PFDN1: variants seen among roughly 807,000 people sequenced by gnomAD.
PFDN1 encodes prefoldin 1.
In PFDN1, 6 loss-of-function variants were observed where a neutral mutation model predicts 17.3. That is an observed-to-expected ratio of 0.35 (90% confidence interval 0.19 to 0.69). PFDN1 has a LOEUF of 0.69. PFDN1 is among the 30% of genes least tolerant of loss of function. The pLI is 0.65. For synonymous variants in PFDN1, 58 were observed against 50.1 expected, an observed-to-expected ratio of 1.16 and a Z score of -0.67; for missense variants, 113 against 146.2, an observed-to-expected ratio of 0.77 and a Z score of 1.17.
intron 3 of PFDN1, among the ~76,000 whole-genome samples, chr5:140,262,893 T>C (rs1261873817): frequency 6.6e-6 from 1 of 152,100 alleles, no homozygotes; most frequent in African/African-American, 2.4e-5. Context: ...TACATTATTT[T>C]CCAAATTAAA....
Position 140,250,666 on chromosome 5 carries a change from T to G in PFDN1, c.286-4609A>C, listed in dbSNP as rs146465372. ...ATTTAATGTTTGTTGAATAAAGTGC[T>G]TTAGTGTGGGAAATGACGCCTTACT... On this transcript the variant is annotated intron_variant, in intron 3 of 3. Transcript: ENST00000261813. 7.4e-3 allele frequency among the ~76,000 whole-genome samples: 1,134 copies of G among 152,310 alleles called. 10 individuals are homozygous for G. Among genetic ancestry groups the G allele is most frequent in the Non-Finnish European group, 0.013 (884 of 68,032 alleles).
intron 3 of PFDN1, among the ~76,000 whole-genome samples, chr5:140,253,078 T>C (rs1342058680): frequency 6.6e-6 from 1 of 152,182 alleles, no homozygotes; most frequent in Non-Finnish European, 1.5e-5. Flanking sequence ...AAAGCAATCT[T>C]AGGCATGGAG....
chr5:140,271,417 C>G (rs1765203100), intron 3 of PFDN1, among the ~76,000 whole-genome samples: 1 of 152,084 alleles, frequency 6.6e-6, no homozygotes, highest in Admixed American at 6.6e-5. Context: ...ATCACTTCAC[C>G]CAAGACTCTC....
intron 3 of PFDN1, 139 bp downstream of exon 3, chr5:140,281,310 C>A: frequency 1.7e-6 from 1 of 572,258 alleles, no homozygotes; most frequent in Admixed American, 3.1e-5. Context: ...ATGACAGCTT[C>A]ACGGCTCCAA....
chr5:140,259,165 G>C (rs979666832), intron 3 of PFDN1, among the ~76,000 whole-genome samples: 10 of 152,154 alleles, frequency 6.6e-5, no homozygotes, highest in African/African-American at 2.4e-4. Context: ...ATGGTTGGGG[G>C]CTAGAAAGGG....
At chr5:140,302,307 T>A (rs1765760135) in intron 1 of PFDN1, among the ~76,000 whole-genome samples, 1 of 152,218 alleles carries the variant, frequency 6.6e-6, no homozygotes, top group African/African-American at 2.4e-5. Context: ...TTGGGGTCAT[T>A]AGTGGTGTTA....
At chr5:140,251,648 G>A (rs1343474888) in intron 3 of PFDN1, among the ~76,000 whole-genome samples, 1 of 152,206 alleles carries the variant, frequency 6.6e-6, no homozygotes, top group Non-Finnish European at 1.5e-5. Context: ...AGTCTCTAGT[G>A]GCATCAAACC....
At chr5:140,294,433 A>C (rs1765624348) in intron 2 of PFDN1, among the ~76,000 whole-genome samples, 1 of 152,044 alleles carries the variant, frequency 6.6e-6, no homozygotes, top group African/African-American at 2.4e-5. Flanking sequence ...AGCTACATGA[A>C]ATTGTAAAAG....
intron 2 of PFDN1, among the ~76,000 whole-genome samples, chr5:140,289,412 A>G (rs916619217): frequency 6.6e-6 from 1 of 152,232 alleles, no homozygotes; most frequent in Non-Finnish European, 1.5e-5. Flanking sequence ...AAAGCAATCT[A>G]CAGATCACTG....
At chr5:140,288,934 G>A (rs1030463237) in intron 2 of PFDN1, among the ~76,000 whole-genome samples, 2 of 151,128 alleles carry the variant, frequency 1.3e-5, no homozygotes, top group Admixed American at 6.6e-5. Context: ...GCAGTGAGCC[G>A]AGATCACACC....
chr5:140,279,427 T>A (rs910667088), intron 3 of PFDN1, among the ~76,000 whole-genome samples: 24 of 151,968 alleles, frequency 1.6e-4, no homozygotes, highest in African/African-American at 5.6e-4. Context: ...TTTCTTAATA[T>A]TCACCAGAAC....
chr5:140,289,715 C>T (rs1765550659), intron 2 of PFDN1, among the ~76,000 whole-genome samples: 1 of 152,096 alleles, frequency 6.6e-6, no homozygotes, highest in Non-Finnish European at 1.5e-5. Flanking sequence ...TTGTATGTTC[C>T]ATATCACCTC....
At chr5:140,290,659 A>G (rs1022350885) in intron 2 of PFDN1, among the ~76,000 whole-genome samples, 2 of 152,236 alleles carry the variant, frequency 1.3e-5, no homozygotes, top group African/African-American at 4.8e-5. Flanking sequence ...GCCAGGATTA[A>G]GGAAGGAGAG....
At chr5:140,291,146 A>G (rs1007503083) in intron 2 of PFDN1, among the ~76,000 whole-genome samples, 1 of 152,228 alleles carries the variant, frequency 6.6e-6, no homozygotes, top group African/African-American at 2.4e-5. Context: ...ATTTGACTAC[A>G]GTGATCTTGA....
chr5:140,264,180 A>C (rs1454792506), intron 3 of PFDN1, among the ~76,000 whole-genome samples: 1 of 151,932 alleles, frequency 6.6e-6, no homozygotes, highest in East Asian at 1.9e-4. Context: ...CTGAGAACTC[A>C]CTCATCACCA....
rs546703695 is a variant in PFDN1 at position 140,255,482 on chromosome 5, T to TA, written c.286-9426dup. On this transcript the variant is annotated intron_variant, in intron 3 of 3. Transcript: ENST00000261813. ...AGCGAGACCCCCATCTCTACAAAAA[T>TA]AAAAAAATCAGCTGGGCATGGTGGT... Among the ~76,000 whole-genome samples, 22 of 151,902 alleles carry TA rather than the reference T, an allele frequency of 1.4e-4. 1 individual carries two copies. In the South Asian group the frequency reaches 4.0e-3, roughly 27 times the overall value.
chr5:140,299,674 T>TA (rs994551792), intron 2 of PFDN1, among the ~76,000 whole-genome samples: 3 of 152,052 alleles, frequency 2.0e-5, no homozygotes, highest in South Asian at 4.1e-4. Flanking sequence ...CTCCTCATTT[T>TA]AAAAAAAGAA....
chr5:140,281,257 C>CTT, intron 3 of PFDN1, 192 bp downstream of exon 3: 10 of 426,062 alleles, frequency 2.3e-5, no homozygotes, highest in South Asian at 3.5e-5. Flanking sequence ...AGAGACTATT[C>CTT]TTTTTTTTTT....
intron 3 of PFDN1, among the ~76,000 whole-genome samples, chr5:140,268,316 CA>C (rs10707149): frequency 0.27 from 40,406 of 151,928 alleles, 5,599 homozygotes; most frequent in South Asian, 0.46. Flanking sequence ...CTAAAATTCA[CA>C]AAAAAAGTTA....
Sources: allele counts gnomAD v4.1 joint callset (sites outside exome capture counted in the v4.1 genomes callset), GRCh38; gene constraint gnomAD v4.1.1; transcripts MANE v1.5; gene names NCBI Gene and HGNC (gene_info 2026-07-23, HGNC 2026-07-21).